AMZ1: variants seen among roughly 807,000 people sequenced by gnomAD.
AMZ1 encodes archaemetzincin-1.
AMZ1 carries 39 observed loss-of-function variants against 29.9 expected under a neutral mutation model. The ratio of observed to expected loss-of-function variants is 1.30; its 90% CI spans 1.01 to 1.70. The LOEUF (loss-of-function observed/expected upper bound fraction) is 1.70. Ranked by LOEUF, AMZ1 falls within the 40% of genes most tolerant of loss-of-function variation. The probability of loss-of-function intolerance (pLI) is 0.00; values close to 1 mark genes in which losing one functional copy is unlikely to be tolerated. For missense variants in AMZ1, 1,041 were observed against 680.6 expected, an observed-to-expected ratio of 1.53 and a Z score of -5.89; for synonymous variants, 458 against 304.0, an observed-to-expected ratio of 1.51 and a Z score of -5.27.
chr7:2,710,841 G>A (rs1258490319), intron 6 of AMZ1, among the ~76,000 whole-genome samples: 1 of 152,206 alleles, frequency 6.6e-6, no homozygotes. Context: ...GTGATGGCTG[G>A]TCAGCACCTG....
chr7:2,737,055 G>T (rs549410383), intron 4 of AMZ1, among the ~76,000 whole-genome samples: 1 of 152,122 alleles, frequency 6.6e-6, no homozygotes, highest in Non-Finnish European at 1.5e-5. Context: ...AGACTGACAG[G>T]GTGTGCATTA....
At chr7:2,738,208 A>G (rs1790306262) in intron 4 of AMZ1, among the ~76,000 whole-genome samples, 1 of 152,108 alleles carries the variant, frequency 6.6e-6, no homozygotes, top group East Asian at 1.9e-4. Context: ...TGAGGTCAGG[A>G]GTTCGAGACA....
upstream of AMZ1, chr7:2,762,817 T>C (rs1333177087): frequency 6.6e-7 from 1 of 1,525,644 alleles, no homozygotes; most frequent in Non-Finnish European, 8.8e-7. Context: ...CGGCCTCCCA[T>C]CCGCCACACA....
At chr7:2,681,417 G>A (rs552489988) in intron 1 of AMZ1, among the ~76,000 whole-genome samples, 10 of 152,032 alleles carry the variant, frequency 6.6e-5, no homozygotes, top group East Asian at 3.9e-4. Flanking sequence ...CACCACGCCC[G>A]GCTAATTTTT....
intron 4 of AMZ1, among the ~76,000 whole-genome samples, chr7:2,736,108 A>G (rs1417790833): frequency 2.0e-5 from 3 of 152,242 alleles, no homozygotes; most frequent in Non-Finnish European, 2.9e-5. Flanking sequence ...CCAGGTTTAC[A>G]ATCCCATGCA....
intron 4 of AMZ1, among the ~76,000 whole-genome samples, chr7:2,747,491 C>G (rs1790823997): frequency 6.6e-6 from 1 of 152,172 alleles, no homozygotes; most frequent in South Asian, 2.1e-4. Context: ...TAAAAACTCT[C>G]AACAAATTAG....
intron 4 of AMZ1, among the ~76,000 whole-genome samples, chr7:2,742,381 G>C (rs980725049): frequency 2.6e-5 from 4 of 152,178 alleles, no homozygotes; most frequent in African/African-American, 7.2e-5. Context: ...GATGTCTCCA[G>C]TGTTTAACAT....
chr7:2,708,154 C>G (rs1482920437), intron 3 of AMZ1, among the ~76,000 whole-genome samples: 1 of 152,164 alleles, frequency 6.6e-6, no homozygotes, highest in Non-Finnish European at 1.5e-5. Flanking sequence ...GCATCAGGCT[C>G]AGCTGGCTGC....
downstream of AMZ1, among the ~76,000 whole-genome samples, chr7:2,723,821 G>A (rs77760292): frequency 0.058 from 8,805 of 152,316 alleles, 352 homozygotes; most frequent in Non-Finnish European, 0.086. Flanking sequence ...TGGGCCTGGA[G>A]GACTTTACAT....
At position 2,708,537 on chromosome 7, in the gene AMZ1, T is replaced by G. The variant is rs190130144; in HGVS notation, c.473-51T>G. 1.9e-4 allele frequency: 310 copies of G among 1,605,390 alleles called. No homozygotes were observed. The East Asian group carries it at 6.4e-3, about 33-fold the overall frequency. ...GGGGTGCCAGCCTGAGCCTGGAAGATGGGGGTCCCCGGCTGCCTCCTGACC... is the reference window on the plus strand; with the variant it reads ...GGGGTGCCAGCCTGAGCCTGGAAGAGGGGGGTCCCCGGCTGCCTCCTGACC... On this transcript the variant is annotated intron_variant, in intron 3 of 6. Transcript: ENST00000683327.
At chr7:2,761,681 T>C (rs913285787), upstream of AMZ1, among the ~76,000 whole-genome samples, 2 of 152,164 alleles carry the variant, frequency 1.3e-5, no homozygotes, top group African/African-American at 2.4e-5. Flanking sequence ...TTTGCAGCTA[T>C]TGGTTCTCCT....
chr7:2,709,367 A>T, intron 5 of AMZ1, 123 bp downstream of exon 5: 1 of 1,145,278 alleles, frequency 8.7e-7, no homozygotes, highest in Non-Finnish European at 1.2e-6. Flanking sequence ...ACTCTATGGA[A>T]TGAGGAAAGC....
chr7:2,757,605 G>A (rs1345949557), intron 4 of AMZ1, among the ~76,000 whole-genome samples: 2 of 152,198 alleles, frequency 1.3e-5, no homozygotes, highest in African/African-American at 2.4e-5. Context: ...GGCGAACTCT[G>A]GATGCCCAGG....
chr7:2,727,318 G>A (rs1478219519), intron 4 of AMZ1, among the ~76,000 whole-genome samples: 1 of 152,160 alleles, frequency 6.6e-6, no homozygotes, highest in Non-Finnish European at 1.5e-5. Context: ...TTGACCTTGT[G>A]ATCCGCTCGC....
chr7:2,704,109 T>C (rs1006745833), intron 3 of AMZ1, among the ~76,000 whole-genome samples: 2 of 152,252 alleles, frequency 1.3e-5, no homozygotes, highest in African/African-American at 4.8e-5. Context: ...CAGGATGGTC[T>C]GGATCTCCTG....
At chr7:2,720,909 G>A (rs1789391966), downstream of AMZ1, among the ~76,000 whole-genome samples, 1 of 152,106 alleles carries the variant, frequency 6.6e-6, no homozygotes, top group African/African-American at 2.4e-5. Flanking sequence ...GAACTCCTGG[G>A]CTCAGGCAAT....
At chr7:2,704,614 T>TA (rs754433785) in intron 3 of AMZ1, among the ~76,000 whole-genome samples, 1 of 112,556 alleles carries the variant, frequency 8.9e-6, no homozygotes, top group Non-Finnish European at 2.0e-5. Flanking sequence ...TTTTTTTTTT[T>TA]AAGACGGAGT....
chr7:2,684,577 T>G (rs1255084149), upstream of AMZ1, among the ~76,000 whole-genome samples: 1 of 152,208 alleles, frequency 6.6e-6, no homozygotes, highest in Non-Finnish European at 1.5e-5. Context: ...CACGGCCTCT[T>G]TCTAGAATAG....
rs111808576 is a variant in AMZ1, at chr7:2,755,283, G to A, written n.551-9429G>A. ...TACATTTTACAATAATCACATCCAT[G>A]TCTACAAAAGATCTTGCTGCGATTT... is the stretch of plus-strand genomic sequence containing the variant. On this transcript the variant is annotated intron_variant and non_coding_transcript_variant, in intron 4 of 4. Transcript: ENST00000489665. Among the ~76,000 whole-genome samples, 1,066 of 152,262 alleles carry A rather than the reference G, an allele frequency of 7.0e-3. 7 individuals are homozygous for A. Among genetic ancestry groups the A allele is most frequent in the African/African-American group, 0.025 (1,037 of 41,536 alleles).
Sources: allele counts gnomAD v4.1 joint callset (sites outside exome capture counted in the v4.1 genomes callset), GRCh38; gene constraint gnomAD v4.1.1; transcripts MANE v1.5; gene names NCBI Gene and HGNC (gene_info 2026-07-23, HGNC 2026-07-21).